The following TPST1 variants were observed in gnomAD, a reference collection of about 807,000 sequenced individuals.
TPST1 encodes tyrosylprotein sulfotransferase 1.
In TPST1, 20 loss-of-function variants were observed where a neutral mutation model predicts 34.8. The observed-to-expected ratio is 0.57, with a 90% confidence interval of 0.40 to 0.84. TPST1 has a LOEUF of 0.84. TPST1 is among the 40% of genes least tolerant of loss of function. The pLI is 0.00. For synonymous variants in TPST1, 152 were observed against 159.4 expected (o/e 0.95, Z 0.35); for missense variants, 353 against 455.5 (o/e 0.78, Z 2.05).
chr7:66,308,874 C>T (rs1791475140), intron 3 of TPST1, among the ~76,000 whole-genome samples: 1 of 152,068 alleles, frequency 6.6e-6, no homozygotes, highest in Non-Finnish European at 1.5e-5. Context: ...AAATACACCC[C>T]AGTATTCCTT....
intron 1 of TPST1, among the ~76,000 whole-genome samples, chr7:66,209,391 C>T (rs1056813234): frequency 1.3e-5 from 2 of 152,168 alleles, no homozygotes; most frequent in African/African-American, 2.4e-5. Context: ...CATGAATGAC[C>T]TTGTGTGTCC....
chr7:66,356,362 G>A (rs941428175), intron 4 of TPST1, among the ~76,000 whole-genome samples: 2 of 152,176 alleles, frequency 1.3e-5, no homozygotes, highest in Non-Finnish European at 2.9e-5. Flanking sequence ...CACCAACCGG[G>A]AAGTGCCACT....
At chr7:66,347,526 A>G (rs1014358790) in intron 3 of TPST1, among the ~76,000 whole-genome samples, 2 of 152,082 alleles carry the variant, frequency 1.3e-5, no homozygotes, top group Non-Finnish European at 2.9e-5. Context: ...GTTCTTTTCC[A>G]TCAATCTGTG....
chr7:66,257,646 C>T (rs1379471219), intron 2 of TPST1, among the ~76,000 whole-genome samples: 1 of 152,156 alleles, frequency 6.6e-6, no homozygotes, highest in African/African-American at 2.4e-5. Context: ...AAAACTTTGT[C>T]AGTCCTTTGT....
At chr7:66,276,592 G>A (rs771282703) in intron 2 of TPST1, among the ~76,000 whole-genome samples, 1 of 151,418 alleles carries the variant, frequency 6.6e-6, no homozygotes, top group African/African-American at 2.4e-5. Flanking sequence ...ATCTTTGAAG[G>A]CATTCTATTT....
Position 66,341,430 on chromosome 7 carries a change from A to G in TPST1, c.1045-11075A>G, listed in dbSNP as rs761060253. On this transcript the variant is annotated intron_variant, in intron 3 of 5. Coordinates refer to ENST00000304842, the MANE Select transcript of TPST1 (RefSeq NM_003596.4). ...GTAGCTGGGATTGCAGGCACCCATC[A>G]CAAATGCCTGGCTAATGTTTTTGTA... is the stretch of plus-strand genomic sequence containing the variant. Among the ~76,000 whole-genome samples the G allele has an allele frequency of 5.8e-4, 88 of 152,138 alleles. 2 individuals are homozygous for G. The highest frequency in any genetic ancestry group is 1.5e-4 in the Non-Finnish European group (10 of 68,016).
In TPST1 at chr7:66,241,147, A is replaced by G. The variant is rs948730652; in HGVS notation, c.722A>G (p.Gln241Arg). 4.3e-6 allele frequency: 7 copies of G among 1,614,116 alleles called. No individual in the cohort carries two copies. The highest frequency in any genetic ancestry group is 1.3e-5 in the African/African-American group (1 of 74,938). The change falls in exon 2 of 6, where the codon CAA (glutamine) becomes CGA (arginine). Residue 241 changes from glutamine to arginine, a missense_variant. Physicochemically the swap from Gln to Arg is conservative, Grantham distance 43. Transcript: ENST00000304842. ...YKKCMLVHYE[Q>R]LVLHPERWMR... ...AAGTGCATGTTGGTTCACTATGAAC[A>G]ACTTGTCTTACATCCTGAACGGTGG...
At chr7:66,284,958 T>G (rs576146471) in intron 2 of TPST1, among the ~76,000 whole-genome samples, 1 of 152,312 alleles carries the variant, frequency 6.6e-6, no homozygotes, top group Admixed American at 6.5e-5. Flanking sequence ...CCCACTTGCC[T>G]CATTCTCCAA....
At chr7:66,354,679 G>T (rs1175769307) in intron 4 of TPST1, among the ~76,000 whole-genome samples, 5 of 151,830 alleles carry the variant, frequency 3.3e-5, no homozygotes, top group Non-Finnish European at 7.4e-5. Flanking sequence ...ACACCTAAAT[G>T]TGAAAGGCAA....
chr7:66,209,146 G>A lies in TPST1; in HGVS notation c.-102+3624G>A, dbSNP rs550531383. Among the ~76,000 whole-genome samples, 12 of 152,154 alleles carry A rather than the reference G, an allele frequency of 7.9e-5. No homozygotes were observed. The East Asian group carries it at 9.7e-4, about 12-fold the overall frequency. The stretch of plus-strand genomic sequence containing the variant: ...AAATTAGCCGGGCGTGGTGGTGGGC[G>A]CCTGTAATCCCAGCTACTCAGGAGG... On this transcript the variant is annotated intron_variant, in intron 1 of 5. Coordinates refer to ENST00000304842, the MANE Select transcript of TPST1 (RefSeq NM_003596.4).
At chr7:66,340,182 A>G (rs550732213) in intron 3 of TPST1, among the ~76,000 whole-genome samples, 44 of 152,100 alleles carry the variant, frequency 2.9e-4, no homozygotes, top group Non-Finnish European at 6.0e-4. Flanking sequence ...CTAAAAATAC[A>G]AAGCCTGGGT....
chr7:66,273,858 A>C (rs981071726), intron 2 of TPST1, among the ~76,000 whole-genome samples: 1 of 151,980 alleles, frequency 6.6e-6, no homozygotes. Context: ...GCTGGAGTGC[A>C]GTGGTGTGAT....
At chr7:66,208,487 G>C (rs1050243536) in intron 1 of TPST1, among the ~76,000 whole-genome samples, 5 of 146,508 alleles carry the variant, frequency 3.4e-5, no homozygotes, top group African/African-American at 1.3e-4. Flanking sequence ...TTTTTTTTTT[G>C]TGACACAGTC....
intron 2 of TPST1, among the ~76,000 whole-genome samples, chr7:66,270,320 G>T (rs2115794600): frequency 6.6e-6 from 1 of 152,240 alleles, no homozygotes; most frequent in Non-Finnish European, 1.5e-5. Context: ...TTACCTTAAT[G>T]AATTTTTATA....
chr7:66,344,970 C>T lies in TPST1; in HGVS notation c.1045-7535C>T, dbSNP rs533192775. 3.6e-3 allele frequency among the ~76,000 whole-genome samples: 490 copies of T among 136,866 alleles called. 6 individuals carry two copies. Among genetic ancestry groups the T allele is most frequent in the Middle Eastern group, 0.017 (3 of 176 alleles). The allele number at this position is 136,866 out of a possible 152,430, so 89.8% of individuals were successfully genotyped here. ...CGATCTCCTGACCTTGTGATCCGCC[C>T]GCCTCGGCCTCCCAAAGTGCTGGGA... On this transcript the variant is annotated intron_variant, in intron 3 of 5. Transcript: ENST00000304842.
Position 66,286,703 on chromosome 7 carries a change from T to C in TPST1, c.1038T>C (p.Thr346=). Residue 346 remains threonine, a synonymous_variant, in exon 3 of 6, where the codon ACT becomes ACC. Transcript: ENST00000304842. ...GKPDPKIIEN[T]RRVYKGEFQL... Reference sequence around the variant, plus strand: ...CTGATCCCAAAATTATTGAAAACACTCGAAGGGTAAGTGAGATTTTTTAAA... The same window carrying C: ...CTGATCCCAAAATTATTGAAAACACCCGAAGGGTAAGTGAGATTTTTTAAA... 6.4e-7 allele frequency: 1 copy of C among 1,552,192 alleles called. No individual in the cohort carries two copies.
chr7:66,343,401 A>C (rs1016164957), intron 3 of TPST1, among the ~76,000 whole-genome samples: 3 of 152,122 alleles, frequency 2.0e-5, no homozygotes, highest in Middle Eastern at 3.2e-3. Flanking sequence ...TGGGTACTGC[A>C]AGAGACAGGA....
chr7:66,328,188 A>T (rs1187006144), intron 3 of TPST1, among the ~76,000 whole-genome samples: 1 of 151,120 alleles, frequency 6.6e-6, no homozygotes, highest in Non-Finnish European at 1.5e-5. Flanking sequence ...CACCATGCCC[A>T]GCTAATTTTT....
intron 4 of TPST1, among the ~76,000 whole-genome samples, chr7:66,354,942 G>A (rs754382312): frequency 8.6e-5 from 13 of 151,562 alleles, no homozygotes; most frequent in Admixed American, 3.9e-4. Flanking sequence ...GCAATGAGCC[G>A]AGATCACACC....
Sources: allele counts gnomAD v4.1 joint callset (sites outside exome capture counted in the v4.1 genomes callset), GRCh38; gene constraint gnomAD v4.1.1; transcripts MANE v1.5; gene names NCBI Gene and HGNC (gene_info 2026-07-23, HGNC 2026-07-21).